The following MEF2A variants were observed in gnomAD, a reference collection of about 807,000 sequenced individuals.
MEF2A encodes myocyte enhancer factor 2A, also known as myocyte-specific enhancer factor 2A.
In MEF2A, 28 loss-of-function variants were observed where a neutral mutation model predicts 55.8. The ratio of observed to expected loss-of-function variants is 0.50; its 90% CI spans 0.37 to 0.69. MEF2A has a LOEUF of 0.69. Among genes scored for constraint, MEF2A ranks in the 30% least tolerant of loss-of-function variants. The probability of loss-of-function intolerance (pLI) is 0.00; values close to 1 mark genes in which losing one functional copy is unlikely to be tolerated. For synonymous variants in MEF2A, 239 were observed against 227.1 expected, an observed-to-expected ratio of 1.05 and a Z score of -0.47; for missense variants, 528 against 626.2, an observed-to-expected ratio of 0.84 and a Z score of 1.67.
chr15:99,667,426 G>A (rs1017481453), intron 4 of MEF2A, among the ~76,000 whole-genome samples: 12 of 151,914 alleles, frequency 7.9e-5, no homozygotes, highest in African/African-American at 2.9e-4. Flanking sequence ...GGGTTTCACC[G>A]TGTTAGCAGG....
At chr15:99,663,136 A>G (rs942792429) in intron 4 of MEF2A, among the ~76,000 whole-genome samples, 2 of 152,076 alleles carry the variant, frequency 1.3e-5, no homozygotes, top group Admixed American at 1.3e-4. Flanking sequence ...GGGCTCTAGC[A>G]GATACTCCAG....
intron 3 of MEF2A, among the ~76,000 whole-genome samples, chr15:99,639,231 C>A (rs1232342797): frequency 6.6e-6 from 1 of 152,088 alleles, no homozygotes; most frequent in Non-Finnish European, 1.5e-5. Flanking sequence ...TTACTGTCCT[C>A]TTTATAATTT....
intron 3 of MEF2A, among the ~76,000 whole-genome samples, chr15:99,636,039 C>G (rs1035365086): frequency 6.6e-6 from 1 of 152,128 alleles, no homozygotes; most frequent in Non-Finnish European, 1.5e-5. Flanking sequence ...AGAGTTCTAG[C>G]TGCTCCGGTC....
chr15:99,569,584 C>G (rs924058446), intron 1 of MEF2A, among the ~76,000 whole-genome samples: 6 of 152,136 alleles, frequency 3.9e-5, no homozygotes, highest in Non-Finnish European at 7.4e-5. Context: ...TCTAAAGATT[C>G]AAGTTAAATA....
chr15:99,585,873 A>T (rs1297437471), intron 1 of MEF2A, among the ~76,000 whole-genome samples: 1 of 152,148 alleles, frequency 6.6e-6, no homozygotes, highest in East Asian at 1.9e-4. Context: ...TAATGTATGA[A>T]TTGTGGATCT....
At chr15:99,666,130 G>T (rs968491913) in intron 4 of MEF2A, among the ~76,000 whole-genome samples, 1 of 152,012 alleles carries the variant, frequency 6.6e-6, no homozygotes, top group African/African-American at 2.4e-5. Flanking sequence ...GTAAAGACAC[G>T]TGCACACATA....
chr15:99,615,211 TGA>T (rs2039996645), intron 2 of MEF2A, among the ~76,000 whole-genome samples: 1 of 152,194 alleles, frequency 6.6e-6, no homozygotes, highest in Admixed American at 6.5e-5. Context: ...GTTGAGTAGT[TGA>T]GAATGTGGTT....
chr15:99,691,787 T>A (rs186520342), intron 8 of MEF2A, among the ~76,000 whole-genome samples: 115 of 152,326 alleles, frequency 7.5e-4, no homozygotes, highest in African/African-American at 2.6e-3. Context: ...TATTCTCCAA[T>A]TAATTTTATT....
chr15:99,690,676 A>G (rs1321409144), intron 8 of MEF2A: 1 of 584,346 alleles, frequency 1.7e-6, no homozygotes, highest in African/African-American at 1.8e-5. Flanking sequence ...ACTGGAGGTT[A>G]TTGTGTTAAG....
intron 4 of MEF2A, among the ~76,000 whole-genome samples, chr15:99,655,922 C>T (rs990631037): frequency 6.6e-6 from 1 of 152,030 alleles, no homozygotes; most frequent in Admixed American, 6.6e-5. Context: ...GAGGAAGCCG[C>T]GTCCAAATTG....
chr15:99,702,991 G>A (rs1270379385), intron 8 of MEF2A, among the ~76,000 whole-genome samples: 3 of 152,166 alleles, frequency 2.0e-5, no homozygotes, highest in Admixed American at 1.3e-4. Flanking sequence ...TTAAGATACA[G>A]AGTTACAAGT....
intron 1 of MEF2A, among the ~76,000 whole-genome samples, chr15:99,593,019 G>A (rs1969877980): frequency 6.6e-6 from 1 of 152,150 alleles, no homozygotes; most frequent in Non-Finnish European, 1.5e-5. Context: ...ATACAATATT[G>A]TATTAAAATT....
chr15:99,665,723 T>A (rs1185706151), intron 4 of MEF2A, among the ~76,000 whole-genome samples: 1 of 23,656 alleles, frequency 4.2e-5, no homozygotes, highest in Non-Finnish European at 8.3e-5. Flanking sequence ...ACAAAGAACT[T>A]AAATTTACAA....
At chr15:99,569,131 G>A (rs150129722) in intron 1 of MEF2A, among the ~76,000 whole-genome samples, 150 of 152,308 alleles carry the variant, frequency 9.8e-4, no homozygotes, top group Non-Finnish European at 1.6e-4. Flanking sequence ...TCTGTAGTCA[G>A]ATCTTGATTC....
At chr15:99,645,075 G>A (rs982854886) in intron 3 of MEF2A, among the ~76,000 whole-genome samples, 8 of 152,144 alleles carry the variant, frequency 5.3e-5, no homozygotes, top group Non-Finnish European at 2.9e-5. Context: ...AAGAATTTGA[G>A]GACTTTGGGG....
Position 99,712,916 on chromosome 15 carries a change from A to AGCGT in MEF2A, c.*146_*147insCGTG, listed in dbSNP as rs1555504846. 3.3e-6 allele frequency: 3 copies of AGCGT among 899,942 alleles called. No individual in the cohort carries two copies. The highest frequency in any genetic ancestry group is 5.7e-5 in the Admixed American group (2 of 35,006). 55.7% of individuals were successfully genotyped at this position (899,942 alleles called of 1,614,324 possible). A position where few individuals can be genotyped will look rare whatever the true frequency, so the allele number is the denominator to read the frequency against. On this transcript the variant is annotated 3_prime_UTR_variant, in exon 12 of 12. Transcript: ENST00000557942. This position sits in a 1 kb window ranked among gnomAD's most constrained non-coding sequence, Gnocchi z 4.1. ...TTACATATATATGTATGTGGGTGTG[A>AGCGT]GTGTGTATGTGTGGGTGTGTGTTAC... is the stretch of plus-strand genomic sequence containing the variant.
chr15:99,698,498 A>G (rs2056851456), intron 8 of MEF2A, among the ~76,000 whole-genome samples: 1 of 152,210 alleles, frequency 6.6e-6, no homozygotes, highest in Non-Finnish European at 1.5e-5. Context: ...GCTAAAATTT[A>G]AGAAAACGCA....
chr15:99,683,685 C>T (rs537243276), intron 7 of MEF2A, among the ~76,000 whole-genome samples: 9 of 146,666 alleles, frequency 6.1e-5, no homozygotes, highest in South Asian at 4.3e-4. Flanking sequence ...ATTATACTTG[C>T]GAGCCACCAT....
chr15:99,608,861 A>G (rs756465266), intron 2 of MEF2A, among the ~76,000 whole-genome samples: 3 of 152,020 alleles, frequency 2.0e-5, no homozygotes, highest in Non-Finnish European at 4.4e-5. Context: ...AGATCGTGCC[A>G]TTGGACTCCA....
Sources: allele counts gnomAD v4.1 joint callset (sites outside exome capture counted in the v4.1 genomes callset), GRCh38; gene constraint gnomAD v4.1.1; non-coding constraint Gnocchi (gnomAD v3.1); transcripts MANE v1.5; gene names NCBI Gene and HGNC (gene_info 2026-07-23, HGNC 2026-07-21).